Variants in IL1RAPL2 observed in about 807,000 individuals in gnomAD.
The protein encoded by IL1RAPL2 is X-linked interleukin-1 receptor accessory protein-like 2.
IL1RAPL2 carries 3 observed loss-of-function variants against 44.1 expected under a neutral mutation model. That is an observed-to-expected ratio of 0.07 (90% CI 0.03 to 0.18). The LOEUF (loss-of-function observed/expected upper bound fraction) is 0.18, where lower values mean the gene tolerates loss of function less well. Among genes scored for constraint, IL1RAPL2 ranks in the 10% least tolerant of loss-of-function variants. The pLI is 1.00. For missense variants in IL1RAPL2, 391 were observed against 496.4 expected (o/e 0.79, Z 2.02); for synonymous variants, 181 against 178.8 (o/e 1.01, Z -0.10).
chrX:105,427,301 C>G, intron 5 of IL1RAPL2, among the ~76,000 whole-genome samples: 1 of 111,991 alleles, frequency 8.9e-6, no homozygotes, highest in Non-Finnish European at 1.9e-5. Context: ...TTATCTTCAC[C>G]TGTTCTGGAA....
intron 6 of IL1RAPL2, among the ~76,000 whole-genome samples, chrX:105,647,354 C>T (rs755828535): frequency 7.1e-5 from 8 of 111,985 alleles, no homozygotes; most frequent in South Asian, 3.8e-4. Flanking sequence ...TCCCATACAA[C>T]GGGAGGGGAC....
chrX:105,253,957 G>C (rs1488711153), intron 4 of IL1RAPL2, among the ~76,000 whole-genome samples: 2 of 111,747 alleles, frequency 1.8e-5, no homozygotes, highest in Non-Finnish European at 3.8e-5. Context: ...TCATTGATGG[G>C]CATTTAGGTT....
chrX:104,793,319 G>T (rs958905740), intron 2 of IL1RAPL2, among the ~76,000 whole-genome samples: 1 of 111,953 alleles, frequency 8.9e-6, no homozygotes, highest in Non-Finnish European at 1.9e-5. Flanking sequence ...GAAGAACAAG[G>T]GCAGGGTGCA....
At chrX:105,122,601 G>T (rs1480022574) in intron 2 of IL1RAPL2, among the ~76,000 whole-genome samples, 2 of 111,153 alleles carry the variant, frequency 1.8e-5, no homozygotes, top group East Asian at 5.7e-4. Flanking sequence ...TTAATTCAGA[G>T]AACCTAATTT....
intron 2 of IL1RAPL2, among the ~76,000 whole-genome samples, chrX:104,941,803 G>A (rs977577627): frequency 9.0e-6 from 1 of 111,630 alleles, no homozygotes; most frequent in Non-Finnish European, 1.9e-5. Flanking sequence ...GTATTGCCTA[G>A]GTTTTCTTCT....
chrX:104,830,906 A>T (rs1260954738), intron 2 of IL1RAPL2, among the ~76,000 whole-genome samples: 1 of 112,187 alleles, frequency 8.9e-6, no homozygotes, highest in Non-Finnish European at 1.9e-5. Context: ...TTAGTTCTGC[A>T]CTGCTCATAT....
At chrX:105,310,618 C>T (rs2034790138) in intron 5 of IL1RAPL2, among the ~76,000 whole-genome samples, 1 of 111,444 alleles carries the variant, frequency 9.0e-6, no homozygotes, top group African/African-American at 3.3e-5. Context: ...TTCCAACTCC[C>T]TTAGCCACAT....
At chrX:104,879,630 C>A (rs1923009775) in intron 2 of IL1RAPL2, among the ~76,000 whole-genome samples, 1 of 111,578 alleles carries the variant, frequency 9.0e-6, no homozygotes, top group Non-Finnish European at 1.9e-5. Flanking sequence ...TGCCCTAAAC[C>A]AATTCCTTCC....
At chrX:105,498,077 A>T (rs1043687125) in intron 6 of IL1RAPL2, among the ~76,000 whole-genome samples, 2 of 112,120 alleles carry the variant, frequency 1.8e-5, no homozygotes, top group Non-Finnish European at 3.8e-5. Flanking sequence ...AGAAAAAGAA[A>T]AAAAGGCATT....
At chrX:104,900,643 A>G (rs747195568) in intron 2 of IL1RAPL2, among the ~76,000 whole-genome samples, 1 of 112,367 alleles carries the variant, frequency 8.9e-6, no homozygotes, top group South Asian at 3.7e-4. Context: ...TCTTTCTTGG[A>G]ATAAAAGGCT....
chrX:104,869,500 G>T (rs1793256505), intron 2 of IL1RAPL2, among the ~76,000 whole-genome samples: 1 of 111,143 alleles, frequency 9.0e-6, no homozygotes, highest in South Asian at 3.7e-4. Flanking sequence ...CCACTTCATG[G>T]TTCCCTGTAT....
At chrX:105,233,502 T>A (rs1409313345) in intron 3 of IL1RAPL2, among the ~76,000 whole-genome samples, 2 of 111,393 alleles carry the variant, frequency 1.8e-5, no homozygotes, top group Non-Finnish European at 3.8e-5. Flanking sequence ...TTCTCACAGG[T>A]TTTTATTATC....
At chrX:104,685,773 A>G (rs1273898236) in intron 2 of IL1RAPL2, among the ~76,000 whole-genome samples, 1 of 109,764 alleles carries the variant, frequency 9.1e-6, no homozygotes, top group African/African-American at 3.3e-5. Context: ...GTGTAATAAA[A>G]AAAAATTAGC....
intron 2 of IL1RAPL2, among the ~76,000 whole-genome samples, chrX:104,748,455 A>T (rs1462047510): frequency 3.6e-5 from 4 of 111,626 alleles, no homozygotes; most frequent in Non-Finnish European, 7.5e-5. Flanking sequence ...GTATGGGCTT[A>T]TGTCCCTTCC....
chrX:105,268,447 T>C (rs1212152944), intron 5 of IL1RAPL2, among the ~76,000 whole-genome samples: 2 of 110,974 alleles, frequency 1.8e-5, no homozygotes, highest in Non-Finnish European at 3.8e-5. Context: ...AGTGATTTAA[T>C]GTACAGCATG....
At chrX:105,580,824 A>G (rs900208817) in intron 6 of IL1RAPL2, among the ~76,000 whole-genome samples, 1 of 112,281 alleles carries the variant, frequency 8.9e-6, no homozygotes, top group African/African-American at 3.2e-5. Context: ...CTGTACGGAA[A>G]TTTTAAAAAA....
intron 5 of IL1RAPL2, among the ~76,000 whole-genome samples, chrX:105,390,642 C>G (rs1314265631): frequency 9.1e-6 from 1 of 110,274 alleles, no homozygotes; most frequent in Non-Finnish European, 1.9e-5. Context: ...ATAACATTCC[C>G]CCCACTGTCT....
intron 2 of IL1RAPL2, among the ~76,000 whole-genome samples, chrX:104,673,508 G>T (rs1331973153): frequency 3.6e-5 from 4 of 111,131 alleles, no homozygotes; most frequent in African/African-American, 1.3e-4. Flanking sequence ...TAGCCTTGTA[G>T]TATAGTTTGA....
rs1556024632 is a variant in IL1RAPL2, at chrX:104,983,457, A to AATATTAGATACATAATATTATATAATATT, written c.83-211953_83-211925dup. 5.5e-3 allele frequency among the ~76,000 whole-genome samples: 223 copies of AATATTAGATACATAATATTATATAATATT among 40,865 alleles called. 50 individuals are homozygous for AATATTAGATACATAATATTATATAATATT. Among genetic ancestry groups the AATATTAGATACATAATATTATATAATATT allele is most frequent in the African/African-American group, 0.015 (190 of 12,387 alleles). 35.5% of individuals were successfully genotyped at this position (40,865 alleles called of 115,157 possible). ...ATATAATAGATACATAATATTATAT[A>AATATTAGATACATAATATTATATAATATT]ATATTAGATACATAATATTATATAA... On this transcript the variant is annotated intron_variant, in intron 2 of 10. Coordinates refer to ENST00000372582, the MANE Select transcript of IL1RAPL2 (RefSeq NM_017416.2).
Sources: allele counts gnomAD v4.1 joint callset (sites outside exome capture counted in the v4.1 genomes callset), GRCh38; gene constraint gnomAD v4.1.1; transcripts MANE v1.5; gene names NCBI Gene and HGNC (gene_info 2026-07-23, HGNC 2026-07-21).